The following SYNE2 variants were observed in gnomAD, a reference collection of about 807,000 sequenced individuals.
The protein encoded by SYNE2 is nesprin-2.
In SYNE2, 431 loss-of-function variants were observed where a neutral mutation model predicts 856.3. The observed-to-expected ratio is 0.50, with a 90% CI of 0.47 to 0.55. SYNE2 has a LOEUF of 0.55. SYNE2 is among the 20% of genes least tolerant of loss of function. The pLI, the probability that SYNE2 is intolerant of heterozygous loss-of-function variation, is 0.00. For synonymous variants in SYNE2, 2,923 were observed against 2,872.3 expected (o/e 1.02, Z -0.56); for missense variants, 8,129 against 8,023.2 (o/e 1.01, Z -0.50).
intron 3 of SYNE2, among the ~76,000 whole-genome samples, chr14:63,941,051 C>T (rs373212608): frequency 3.8e-4 from 58 of 152,274 alleles, no homozygotes; most frequent in African/African-American, 1.3e-3. Flanking sequence ...AATAATTTCA[C>T]GACATCCCTA....
intron 59 of SYNE2, among the ~76,000 whole-genome samples, chr14:64,090,348 G>T (rs146017531): frequency 6.6e-6 from 1 of 152,302 alleles, no homozygotes; most frequent in East Asian, 1.9e-4. Flanking sequence ...ACTTAGTACG[G>T]TGAGTAATCT....
intron 1 of SYNE2, among the ~76,000 whole-genome samples, chr14:63,838,095 C>T (rs938547633): frequency 2.0e-5 from 3 of 151,522 alleles, no homozygotes; most frequent in Non-Finnish European, 4.4e-5. Context: ...AAGGGCTGGG[C>T]ACAGTGGCTG....
intron 19 of SYNE2, among the ~76,000 whole-genome samples, chr14:63,989,408 G>A (rs2096650285): frequency 6.6e-6 from 1 of 152,056 alleles, no homozygotes; most frequent in Non-Finnish European, 1.5e-5. Flanking sequence ...TGCAGTCTTG[G>A]CTCACTACAA....
chr14:63,964,965 T>C (rs1018168941), intron 10 of SYNE2, among the ~76,000 whole-genome samples: 5 of 149,538 alleles, frequency 3.3e-5, no homozygotes, highest in Admixed American at 6.7e-5. Flanking sequence ...AACATTTCTT[T>C]TTTTTTTTTT....
At position 63,949,931 on chromosome 14, in the gene SYNE2, G is replaced by T. The variant is rs2096123588; in HGVS notation, c.515G>T (p.Cys172Phe). The change falls in exon 7 of 116, where the codon TGC (cysteine) becomes TTC (phenylalanine). Residue 172 changes from cysteine (C) to phenylalanine (F), a missense_variant. By Grantham distance (205) the Cys-to-Phe change is radical. Around this residue, in one of 3 missense-constraint regions of SYNE2, gnomAD observed 2,422 missense variants for 2,357.4 expected, o/e 1.03. Coordinates refer to ENST00000555002, the MANE Select transcript of SYNE2 (RefSeq NM_182914.3). ...GCCTCAAGTCCTCCAGCTAAGAAAT[G>T]CTCTAAAGTGCAAGCAAGATGGCAA... ...SPASSPPAKK[C>F]SKVQARWQMS... The T allele has an allele frequency of 6.2e-7, 1 of 1,614,130 alleles. No homozygotes were observed. Among genetic ancestry groups the T allele is most frequent in the Non-Finnish European group, 8.5e-7 (1 of 1,180,016 alleles).
At chr14:63,852,075 G>C (rs1437660127), upstream of SYNE2, among the ~76,000 whole-genome samples, 1 of 140,346 alleles carries the variant, frequency 7.1e-6, no homozygotes, top group Non-Finnish European at 1.5e-5. Context: ...AGTGAGTTTA[G>C]ATCGCGCCAC....
At chr14:64,039,186 G>T (rs1307638913) in intron 45 of SYNE2, among the ~76,000 whole-genome samples, 2 of 152,234 alleles carry the variant, frequency 1.3e-5, no homozygotes, top group African/African-American at 4.8e-5. Context: ...AGAGAAAAAA[G>T]AAATACATCC....
At position 63,967,711 on chromosome 14, in the gene SYNE2, C is replaced by G. The variant is rs531679716; in HGVS notation, c.993C>G (p.Ser331Arg). 9.3e-6 allele frequency: 15 copies of G among 1,613,850 alleles called. No homozygotes were observed. The highest frequency in any genetic ancestry group is 1.6e-4 in the Middle Eastern group (1 of 6,062). The change falls in exon 11 of 116, where the codon AGC (serine) becomes AGG (arginine). Residue 331 changes from serine (S) to arginine (R), a missense_variant and splice_region_variant. Physicochemically the swap from Ser to Arg is moderately radical, Grantham distance 110. Coordinates refer to ENST00000555002, the MANE Select transcript of SYNE2 (RefSeq NM_182914.3). Reference sequence around the variant, plus strand: ...TTAAAATACTCTTCTAATTGCAGAGCCTGCTGTCCTTTATGGAGTCATTCA... The same window carrying G: ...TTAAAATACTCTTCTAATTGCAGAGGCTGCTGTCCTTTATGGAGTCATTCA... ...ENDTYFKKYN[S>R]LLSFMESFNE...
intron 6 of SYNE2, among the ~76,000 whole-genome samples, chr14:63,943,126 C>G (rs373308171): frequency 3.6e-4 from 55 of 152,262 alleles, no homozygotes; most frequent in African/African-American, 1.3e-3. Context: ...TAAAGCCTCC[C>G]CATTTTGGGG....
intron 31 of SYNE2, among the ~76,000 whole-genome samples, chr14:64,008,567 C>T (rs964606232): frequency 9.2e-5 from 14 of 152,154 alleles, no homozygotes; most frequent in Non-Finnish European, 2.9e-5. Flanking sequence ...ATTTGCCAGA[C>T]TGCTTTGGAG....
intron 49 of SYNE2, among the ~76,000 whole-genome samples, chr14:64,059,972 T>G (rs1595213739): frequency 6.6e-6 from 1 of 152,102 alleles, no homozygotes; most frequent in East Asian, 1.9e-4. Context: ...AGGGTACTAC[T>G]CATGTTCACT....
intron 1 of SYNE2, among the ~76,000 whole-genome samples, chr14:63,901,924 T>TCAA (rs1025096004): frequency 1.3e-5 from 2 of 150,422 alleles, no homozygotes; most frequent in South Asian, 4.2e-4. Context: ...AAACTTGTCT[T>TCAA]CAACAACAAC....
intron 99 of SYNE2, among the ~76,000 whole-genome samples, chr14:64,194,163 T>A (rs1373401500): frequency 1.3e-5 from 2 of 152,200 alleles, no homozygotes; most frequent in Non-Finnish European, 2.9e-5. Flanking sequence ...ATATGTTTGG[T>A]GATTGTAACT....
At chr14:64,215,136 AAAAAT>A (rs1467579438) in intron 106 of SYNE2, 145 bp from the exon 107 acceptor site, 1 of 784,554 alleles carries the variant, frequency 1.3e-6, no homozygotes. Context: ...GGCTGGAAAA[AAAAAT>A]CTTTCTGGTT....
At chr14:63,801,919 T>C (rs1377109081) in intron 1 of SYNE2, among the ~76,000 whole-genome samples, 3 of 151,930 alleles carry the variant, frequency 2.0e-5, no homozygotes, top group Non-Finnish European at 4.4e-5. Context: ...GATAATTCTA[T>C]TTAAAATTTA....
intron 67 of SYNE2, 74 bp from the exon 68 acceptor site, chr14:64,120,853 C>A (rs1397440157): frequency 6.7e-7 from 1 of 1,500,834 alleles, no homozygotes; most frequent in African/African-American, 1.4e-5. Flanking sequence ...CTATGTAGTC[C>A]CATTATTAGA....
rs1310843237 is a variant in SYNE2, at chr14:63,974,890, GTGTATATATATATATATATATATA to G, written c.1129-1671_1129-1648del. On this transcript the variant is annotated intron_variant, in intron 11 of 115. Coordinates refer to ENST00000555002, the MANE Select transcript of SYNE2 (RefSeq NM_182914.3). ...TGTGTGTGTGTGTGTGTGTGTGTGT[GTGTATATATATATATATATATATA>G]TATGTATCTTGAGACAGGGTCTCAC... Among the ~76,000 whole-genome samples, 139 of 27,502 alleles carry G rather than the reference GTGTATATATATATATATATATATA, an allele frequency of 5.1e-3. 2 individuals are homozygous for G. The highest frequency in any genetic ancestry group is 0.02 in the South Asian group (9 of 446). 18.0% of individuals were successfully genotyped at this position (27,502 alleles called of 152,430 possible). A position where few individuals can be genotyped will look rare whatever the true frequency, so the allele number is the denominator to read the frequency against.
At chr14:63,919,347 G>T (rs1014481530) in intron 2 of SYNE2, among the ~76,000 whole-genome samples, 1 of 152,168 alleles carries the variant, frequency 6.6e-6, no homozygotes, top group African/African-American at 2.4e-5. Flanking sequence ...TTTGAGAAGG[G>T]ACAGTTTAGG....
intron 67 of SYNE2, 43 bp downstream of exon 67, chr14:64,119,652 T>TG (rs754167291): frequency 6.2e-7 from 1 of 1,602,076 alleles, no homozygotes; most frequent in East Asian, 2.2e-5. Flanking sequence ...GATACACATA[T>TG]GTGGCAGACC....
Sources: gnomAD v4.1 joint callset for allele counts (sites outside exome capture counted in the v4.1 genomes callset) on GRCh38, gnomAD v4.1.1 for gene constraint, gnomAD v4.1.1 regional missense constraint, MANE v1.5 for transcripts, NCBI Gene and HGNC (gene_info 2026-07-23, HGNC 2026-07-21) for gene names.